The following CACNA1G variants were observed in gnomAD, a reference collection of about 807,000 sequenced individuals.
CACNA1G encodes voltage-dependent T-type calcium channel subunit alpha-1G.
In CACNA1G, 67 loss-of-function variants were observed where a neutral mutation model predicts 219.4. The observed-to-expected ratio is 0.31, with a 90% CI of 0.25 to 0.37. The LOEUF (loss-of-function observed/expected upper bound fraction) is 0.37, where lower values mean the gene tolerates loss of function less well. Among genes scored for constraint, CACNA1G ranks in the 10% least tolerant of loss-of-function variants. The pLI, the probability that CACNA1G is intolerant of heterozygous loss-of-function variation, is 1.00. For synonymous variants in CACNA1G, 1,296 were observed against 1,345.3 expected (o/e 0.96, Z 0.80); for missense variants, 2,380 against 3,231.4 (o/e 0.74, Z 6.39).
intron 1 of CACNA1G, among the ~76,000 whole-genome samples, chr17:50,565,770 G>A (rs2037650218): frequency 6.6e-6 from 1 of 152,104 alleles, no homozygotes; most frequent in Non-Finnish European, 1.5e-5. Context: ...TCTAGATAAA[G>A]CCCCACACAG....
chr17:50,569,015 T>TGTGTGTGTGTGGGTGTTG (rs58450142), intron 2 of CACNA1G, 34 bp downstream of exon 2: 1 of 1,008,270 alleles, frequency 9.9e-7, no homozygotes, highest in African/African-American at 1.7e-5. Context: ...TGTGTGTGTG[T>TGTGTGTGTGTGGGTGTTG]TGTGTGTGTT....
chr17:50,589,422 G>T (rs572621760), intron 9 of CACNA1G, among the ~76,000 whole-genome samples: 9 of 152,268 alleles, frequency 5.9e-5, no homozygotes, highest in Admixed American at 2.6e-4. Context: ...AGCATTTAAG[G>T]CCTCTTGTGG....
At position 50,615,210 on chromosome 17, in the gene CACNA1G, C is replaced by G. The variant is rs965193774; in HGVS notation, c.4760-151C>G. On this transcript the variant is annotated intron_variant, in intron 26 of 37. Coordinates refer to ENST00000359106, the MANE Select transcript of CACNA1G (RefSeq NM_018896.5). ...GACACGCCCAGACGGCTGCCCCCAC[C>G]AAGGGGCAGCGTGGGGAGGGCGAGG... 4 of 741,812 alleles carry G rather than the reference C, an allele frequency of 5.4e-6. No homozygotes were observed. The African/African-American group carries it at 7.2e-5, about 13-fold the overall frequency. 46.0% of individuals were successfully genotyped at this position (741,812 alleles called of 1,614,324 possible). A position where few individuals can be genotyped will look rare whatever the true frequency, so the allele number is the denominator to read the frequency against.
chr17:50,584,892 T>C lies in CACNA1G; in HGVS notation c.2302-5579T>C, dbSNP rs540145461. ...TGTGAATAAAGGCATGAAACAGCCA[T>C]GGGGCCACCACCCACAGGGAATCAC... On this transcript the variant is annotated intron_variant, in intron 9 of 37. Coordinates refer to ENST00000359106, the MANE Select transcript of CACNA1G (RefSeq NM_018896.5). 1.4e-4 allele frequency among the ~76,000 whole-genome samples: 22 copies of C among 152,072 alleles called. 1 individual carries two copies. In the South Asian group the frequency reaches 3.1e-3, roughly 22 times the overall value.
chr17:50,626,692 A>G lies in CACNA1G; in HGVS notation c.7075A>G (p.Lys2359Glu), dbSNP rs1006542384. The change falls in exon 38 of 38, where the codon AAG (lysine) becomes GAG (glutamate). Residue 2359 changes from lysine (K) to glutamate (E), a missense_variant. Coordinates refer to ENST00000359106, the MANE Select transcript of CACNA1G (RefSeq NM_018896.5). The surrounding 1 kb of genome is among the most constrained non-coding windows in gnomAD (Gnocchi z 4.3). ...CAGCATGGCTGCCTCGCCCTCCCCA[A>G]AGAAAGATGTGCTGAGTCTCTCCGG... ...PDSMAASPSPKKDVLSLSGLS... is the reference protein window; with the variant it reads ...PDSMAASPSPEKDVLSLSGLS... The G allele has an allele frequency of 1.4e-5, 23 of 1,612,936 alleles. No homozygotes were observed. Among genetic ancestry groups the G allele is most frequent in the Non-Finnish European group, 1.9e-5 (22 of 1,179,824 alleles).
chr17:50,604,912 C>T (rs186366711), intron 22 of CACNA1G, among the ~76,000 whole-genome samples: 14 of 152,308 alleles, frequency 9.2e-5, no homozygotes, highest in African/African-American at 1.4e-4. Context: ...GCTGTTCAGG[C>T]AGCGTGGGAG....
chr17:50,620,583 C>T (rs943569416), intron 34 of CACNA1G, among the ~76,000 whole-genome samples: 4 of 152,206 alleles, frequency 2.6e-5, no homozygotes, highest in African/African-American at 9.6e-5. Context: ...GAGGGCCCCA[C>T]CCTCCCTCCA....
Position 50,618,509 on chromosome 17 carries a change from T to A in CACNA1G, c.5428-146T>A. On this transcript the variant is annotated intron_variant, in intron 32 of 37. Transcript: ENST00000359106. This position sits in a 1 kb window ranked among gnomAD's most constrained non-coding sequence, Gnocchi z 5.3. The stretch of plus-strand genomic sequence containing the variant: ...CCAGGAACATGCTCTGACTCACACT[T>A]GTAGTGCTCCTCTGCCCCCAAACAC... 1 of 1,072,656 alleles carries A rather than the reference T, an allele frequency of 9.3e-7. No individual in the cohort carries two copies. The highest frequency in any genetic ancestry group is 1.4e-6 in the Non-Finnish European group (1 of 725,332). 66.4% of individuals were successfully genotyped at this position (1,072,656 alleles called of 1,614,324 possible).
intron 9 of CACNA1G, among the ~76,000 whole-genome samples, chr17:50,584,976 G>A (rs755072995): frequency 1.3e-5 from 2 of 152,140 alleles, no homozygotes; most frequent in Admixed American, 6.5e-5. Context: ...TTCCAGAGCC[G>A]CAGAGGAGAG....
At chr17:50,601,210 C>T (rs2046558777) in intron 19 of CACNA1G, 36 bp downstream of exon 19, 4 of 1,609,640 alleles carry the variant, frequency 2.5e-6, no homozygotes, top group Admixed American at 1.7e-5. Context: ...AAGGCCTCTC[C>T]TGGGGTTTGC....
intron 24 of CACNA1G, 39 bp from the exon 25 acceptor site, chr17:50,607,788 G>T (rs373067344): frequency 6.3e-7 from 1 of 1,590,176 alleles, no homozygotes; most frequent in Admixed American, 1.7e-5. Context: ...GCTTGCCCTC[G>T]GGCTGATGCC....
rs2047987021 is a variant in CACNA1G, at chr17:50,606,460, CGG to C, written c.4422+438_4423-438del. On this transcript the variant is annotated intron_variant, in intron 23 of 37. Transcript: ENST00000359106. ...GAATGGAGTCATAATAGAATCTCCT[CGG>C]AGGTCACAATAAGGATGCAATGAGA... 2.7e-5 allele frequency: 16 copies of C among 586,658 alleles called. No homozygotes were observed. In the South Asian group the frequency reaches 2.8e-4, roughly 10 times the overall value. The allele number at this position is 586,658 out of a possible 1,614,324, so 36.3% of individuals were successfully genotyped here. A position where few individuals can be genotyped will look rare whatever the true frequency, so the allele number is the denominator to read the frequency against.
rs753013615 is a variant in CACNA1G, at chr17:50,619,813, G to A, written c.5912G>A (p.Gly1971Asp). ...SAFPSAPSLG[G>D]SDPQIPLAEM... Reference sequence around the variant, plus strand: ...TTCCCTTCTGCCCCCAGCCTGGGAGGCTCCGACCCACAGGTTACTGTGCCC... The same window carrying A: ...TTCCCTTCTGCCCCCAGCCTGGGAGACTCCGACCCACAGGTTACTGTGCCC... Residue 1971 changes from glycine (G) to aspartate (D), a missense_variant, in exon 34 of 38, where the codon GGC (glycine) becomes GAC (aspartate). Gly to Asp is a moderately conservative substitution (Grantham distance 94). Transcript: ENST00000359106. 3 of 1,605,106 alleles carry A rather than the reference G, an allele frequency of 1.9e-6. No individual in the cohort carries two copies. Among genetic ancestry groups the A allele is most frequent in the Non-Finnish European group, 2.5e-6 (3 of 1,178,002 alleles).
Position 50,620,566 on chromosome 17 carries a change from C to T in CACNA1G, c.5925+740C>T, listed in dbSNP as rs767548257. On this transcript the variant is annotated intron_variant, in intron 34 of 37. Transcript: ENST00000359106. ...ATCCCCTCACCACGACCCACTACCA[C>T]GTGAGAGAGGGCCCCACCCTCCCTC... Among the ~76,000 whole-genome samples, 32 of 152,220 alleles carry T rather than the reference C, an allele frequency of 2.1e-4. 2 individuals carry two copies. Among genetic ancestry groups the T allele is most frequent in the Non-Finnish European group, 4.3e-4 (29 of 68,036 alleles).
intron 14 of CACNA1G, among the ~76,000 whole-genome samples, chr17:50,595,403 G>A (rs947797778): frequency 3.3e-5 from 5 of 152,200 alleles, no homozygotes; most frequent in Admixed American, 1.3e-4. Context: ...CTGAGGTCCC[G>A]GAGGAGTCCC....
chr17:50,599,591 A>G lies in CACNA1G; in HGVS notation c.3422A>G (p.Asp1141Gly), dbSNP rs770142650. Reference protein sequence around the residue: ...LLSGEGQESQDEEESSEEERA... With the variant: ...LLSGEGQESQGEEESSEEERA... The stretch of plus-strand genomic sequence containing the variant: ...TCGGGAGAAGGCCAGGAGAGCCAGG[A>G]TGAAGAGGAGAGCTCAGAAGAGGAG... Residue 1141 changes from aspartate to glycine, a missense_variant, in exon 17 of 38, where the codon GAT (aspartate) becomes GGT (glycine). Around this residue, in one of 17 missense-constraint regions of CACNA1G, gnomAD observed 418 missense variants for 434.3 expected, o/e 0.96. Transcript: ENST00000359106. 6.2e-7 allele frequency: 1 copy of G among 1,613,294 alleles called. No individual in the cohort carries two copies. Among genetic ancestry groups the G allele is most frequent in the South Asian group, 1.1e-5 (1 of 90,938 alleles).
intron 26 of CACNA1G, among the ~76,000 whole-genome samples, chr17:50,611,959 T>C (rs1057077359): frequency 4.6e-5 from 7 of 152,238 alleles, no homozygotes; most frequent in Non-Finnish European, 7.3e-5. Context: ...CGCAGGCATG[T>C]ACACCAGTTA....
chr17:50,620,891 T>C (rs752913093), intron 34 of CACNA1G, among the ~76,000 whole-genome samples: 1 of 152,074 alleles, frequency 6.6e-6, no homozygotes, highest in Non-Finnish European at 1.5e-5. Context: ...GAGGACACGA[T>C]GGGAAGGTGA....
At chr17:50,609,780 A>G (rs2048793580) in intron 25 of CACNA1G, 102 bp from the exon 26 acceptor site, 1 of 978,794 alleles carries the variant, frequency 1.0e-6, no homozygotes, top group Non-Finnish European at 1.6e-6. Context: ...CACCCCACCC[A>G]TAGGCAGAGT....
Sources: gnomAD v4.1 joint callset for allele counts (sites outside exome capture counted in the v4.1 genomes callset) on GRCh38, gnomAD v4.1.1 for gene constraint, gnomAD v4.1.1 regional missense constraint, Gnocchi (gnomAD v3.1) non-coding constraint, MANE v1.5 for transcripts, NCBI Gene and HGNC (gene_info 2026-07-23, HGNC 2026-07-21) for gene names.